Variants in BRINP3 observed in about 807,000 individuals in gnomAD.
BRINP3 encodes BMP/retinoic acid inducible neural specific 3.
In BRINP3, 19 loss-of-function variants were observed where a neutral mutation model predicts 71.0. That is an observed-to-expected ratio of 0.27 (90% confidence interval 0.19 to 0.39). BRINP3 has a LOEUF of 0.39. Among genes scored for constraint, BRINP3 ranks in the 10% least tolerant of loss-of-function variants. The pLI is 1.00. For missense variants in BRINP3, 959 were observed against 940.8 expected, an observed-to-expected ratio of 1.02 and a Z score of -0.25; for synonymous variants, 380 against 337.7, an observed-to-expected ratio of 1.13 and a Z score of -1.37.
At chr1:190,472,404 C>T (rs977650422) in intron 1 of BRINP3, among the ~76,000 whole-genome samples, 4 of 151,602 alleles carry the variant, frequency 2.6e-5, no homozygotes, top group African/African-American at 9.7e-5. Flanking sequence ...ATCATAAGCA[C>T]ACAATCATAA....
intron 6 of BRINP3, among the ~76,000 whole-genome samples, chr1:190,185,889 T>A (rs928456303): frequency 9.2e-5 from 14 of 152,104 alleles, no homozygotes; most frequent in Non-Finnish European, 1.5e-4. Context: ...TTCAATATCA[T>A]CCTTCTAGCT....
At chr1:190,389,417 T>A (rs897416407) in intron 2 of BRINP3, among the ~76,000 whole-genome samples, 1 of 151,810 alleles carries the variant, frequency 6.6e-6, no homozygotes, top group Non-Finnish European at 1.5e-5. Flanking sequence ...CTTTCCTACT[T>A]CCAATAATAG....
intron 6 of BRINP3, among the ~76,000 whole-genome samples, chr1:190,214,210 T>A (rs921298821): frequency 1.3e-5 from 2 of 152,152 alleles, no homozygotes; most frequent in African/African-American, 2.4e-5. Context: ...GTTTTCTTTC[T>A]TCTGACTGGA....
chr1:190,187,971 G>T (rs1430337377), intron 6 of BRINP3, among the ~76,000 whole-genome samples: 1 of 151,718 alleles, frequency 6.6e-6, no homozygotes, highest in Non-Finnish European at 1.5e-5. Flanking sequence ...GTTTTGGGTA[G>T]TATGGACATT....
chr1:190,353,744 A>G (rs926326977), intron 2 of BRINP3, among the ~76,000 whole-genome samples: 2 of 151,918 alleles, frequency 1.3e-5, no homozygotes, highest in Non-Finnish European at 2.9e-5. Context: ...CTCCTCCATC[A>G]TGCCTACGTC....
intron 5 of BRINP3, 87 bp from the exon 6 acceptor site, chr1:190,226,405 A>G: frequency 1.4e-6 from 1 of 711,956 alleles, no homozygotes; most frequent in East Asian, 3.0e-5. Context: ...TCAAAACAGT[A>G]AATAATTTAG....
chr1:190,233,169 T>A lies in BRINP3; in HGVS notation c.724+1203A>T, dbSNP rs530706612. ...GGTCTCACTGTCACCCAGGCTGGAG[T>A]AACATGATGTGCAGTGTCGCATGGA... On this transcript the variant is annotated intron_variant, in intron 5 of 7. Coordinates refer to ENST00000367462, the MANE Select transcript of BRINP3 (RefSeq NM_199051.3). 2.5e-4 allele frequency among the ~76,000 whole-genome samples: 38 copies of A among 152,036 alleles called. 1 individual carries two copies. The South Asian group carries it at 7.5e-3, about 30-fold the overall frequency.
intron 7 of BRINP3, among the ~76,000 whole-genome samples, chr1:190,138,928 C>G (rs1405351860): frequency 6.6e-6 from 1 of 152,076 alleles, no homozygotes; most frequent in African/African-American, 2.4e-5. Context: ...GCAAACAAAA[C>G]TGGAGTTCCA....
At chr1:190,454,289 GA>G (rs1675841265) in intron 2 of BRINP3, among the ~76,000 whole-genome samples, 1 of 152,116 alleles carries the variant, frequency 6.6e-6, no homozygotes, top group Non-Finnish European at 1.5e-5. Context: ...CATTTAGGCT[GA>G]AAAAGGTAAC....
chr1:190,191,814 A>G (rs534330780), intron 6 of BRINP3, among the ~76,000 whole-genome samples: 3 of 152,248 alleles, frequency 2.0e-5, no homozygotes, highest in Non-Finnish European at 4.4e-5. Flanking sequence ...AATCTTACAT[A>G]TTCTTATAAG....
chr1:190,281,227 A>C (rs1358832328), intron 3 of BRINP3, among the ~76,000 whole-genome samples: 1 of 151,982 alleles, frequency 6.6e-6, no homozygotes, highest in Non-Finnish European at 1.5e-5. Context: ...CTATAACTAG[A>C]ATTGATGACC....
At chr1:190,411,236 G>T (rs938056262) in intron 2 of BRINP3, among the ~76,000 whole-genome samples, 1 of 152,004 alleles carries the variant, frequency 6.6e-6, no homozygotes, top group African/African-American at 2.4e-5. Context: ...GAGGACAACG[G>T]GATATTTATT....
At chr1:190,463,967 A>G (rs935481662) in intron 1 of BRINP3, among the ~76,000 whole-genome samples, 2 of 151,852 alleles carry the variant, frequency 1.3e-5, no homozygotes, top group Admixed American at 6.6e-5. Flanking sequence ...TTGCTATTCT[A>G]TTTCTATACT....
At chr1:190,371,489 T>G (rs1669863006) in intron 2 of BRINP3, among the ~76,000 whole-genome samples, 1 of 152,184 alleles carries the variant, frequency 6.6e-6, no homozygotes, top group Non-Finnish European at 1.5e-5. Context: ...ACTGTATATT[T>G]GTAGGTTTCT....
At chr1:190,140,180 T>C (rs184869153) in intron 7 of BRINP3, among the ~76,000 whole-genome samples, 3 of 152,302 alleles carry the variant, frequency 2.0e-5, no homozygotes, top group African/African-American at 7.2e-5. Flanking sequence ...TTGTGAAACA[T>C]TACCAGAAGC....
chr1:190,404,821 G>GCTTT (rs1672155550), intron 2 of BRINP3, among the ~76,000 whole-genome samples: 1 of 152,112 alleles, frequency 6.6e-6, no homozygotes, highest in Non-Finnish European at 1.5e-5. Flanking sequence ...TGGATTTTCT[G>GCTTT]CTTTCTCTCT....
At chr1:190,331,756 G>T (rs1460469532) in intron 2 of BRINP3, among the ~76,000 whole-genome samples, 1 of 114,282 alleles carries the variant, frequency 8.8e-6, no homozygotes, top group Admixed American at 1.0e-4. Context: ...CAATGCATAG[G>T]TAAGAATTAA....
At chr1:190,355,937 C>T (rs1406919808) in intron 2 of BRINP3, among the ~76,000 whole-genome samples, 1 of 151,808 alleles carries the variant, frequency 6.6e-6, no homozygotes, top group African/African-American at 2.4e-5. Flanking sequence ...TTATACCTAG[C>T]GAGATAGCTA....
At chr1:190,440,290 G>A (rs549495048) in intron 2 of BRINP3, among the ~76,000 whole-genome samples, 119 of 151,470 alleles carry the variant, frequency 7.9e-4, no homozygotes, top group African/African-American at 2.5e-3. Flanking sequence ...AATTACACAC[G>A]AATTTTAGAA....
Sources: gnomAD v4.1 joint callset for allele counts (sites outside exome capture counted in the v4.1 genomes callset) on GRCh38, gnomAD v4.1.1 for gene constraint, MANE v1.5 for transcripts, NCBI Gene and HGNC (gene_info 2026-07-23, HGNC 2026-07-21) for gene names.